TTC7B: variants seen among roughly 807,000 people sequenced by gnomAD.
The protein encoded by TTC7B is tetratricopeptide repeat protein 7B.
TTC7B carries 28 observed loss-of-function variants against 106.8 expected under a neutral mutation model. That is an observed-to-expected ratio of 0.26 (90% CI 0.19 to 0.36). The LOEUF (loss-of-function observed/expected upper bound fraction) is 0.36, where lower values mean the gene tolerates loss of function less well. Ranked by LOEUF, TTC7B falls within the 10% of genes least tolerant of loss-of-function variation. The pLI, the probability that TTC7B is intolerant of heterozygous loss-of-function variation, is 1.00. For synonymous variants in TTC7B, 405 were observed against 430.6 expected, an observed-to-expected ratio of 0.94 and a Z score of 0.74; for missense variants, 862 against 1,076.4, an observed-to-expected ratio of 0.80 and a Z score of 2.79.
rs189294286 is a variant in TTC7B at position 90,577,977 on chromosome 14, A to T, written c.2310+129T>A. On this transcript the variant is annotated intron_variant, in intron 19 of 19. Coordinates refer to ENST00000328459, the MANE Select transcript of TTC7B (RefSeq NM_001010854.2). The surrounding 1 kb of genome is among the most constrained non-coding windows in gnomAD (Gnocchi z 5.0). ...GTGCCCTCTGGCTTCAGGCCATGTG[A>T]CAGCCTGGCAAGCTAACTGCATGGG... 8 of 1,176,056 alleles carry T rather than the reference A, an allele frequency of 6.8e-6. No individual in the cohort carries two copies. In the East Asian group the frequency reaches 2.0e-4, roughly 30 times the overall value. 72.9% of individuals were successfully genotyped at this position (1,176,056 alleles called of 1,614,324 possible). A position where few individuals can be genotyped will look rare whatever the true frequency, so the allele number is the denominator to read the frequency against.
At chr14:90,708,145 C>CA (rs56260414) in intron 5 of TTC7B, among the ~76,000 whole-genome samples, 1,704 of 60,774 alleles carry the variant, frequency 0.028, 80 homozygotes, top group African/African-American at 0.067. Flanking sequence ...GACTCCATCT[C>CA]AAAAAAAAAA....
At chr14:90,551,185 C>T (rs1890064469) in intron 19 of TTC7B, among the ~76,000 whole-genome samples, 2 of 152,174 alleles carry the variant, frequency 1.3e-5, no homozygotes, top group African/African-American at 4.8e-5. Flanking sequence ...AGGCCTTGAC[C>T]CTGCTGGACA....
Position 90,722,811 on chromosome 14 carries a change from T to G in TTC7B, c.698+7264A>C, listed in dbSNP as rs531287815. ...TCCTCTTTCCTAGCACAGGTTCCCGTTTTGGCTTTCACAAGGACACACCCT... is the reference window on the plus strand; with the variant it reads ...TCCTCTTTCCTAGCACAGGTTCCCGGTTTGGCTTTCACAAGGACACACCCT... On this transcript the variant is annotated intron_variant, in intron 5 of 19. Coordinates refer to ENST00000328459, the MANE Select transcript of TTC7B (RefSeq NM_001010854.2). 3.0e-3 allele frequency among the ~76,000 whole-genome samples: 460 copies of G among 152,286 alleles called. 4 individuals are homozygous for G. The highest frequency in any genetic ancestry group is 0.01 in the African/African-American group (432 of 41,550).
In TTC7B at chr14:90,537,377, G is replaced by GCGC. The variant is rs1555372749; in HGVS notation, c.*3990_*3991insGCG. ...ATTTTTTTTTTTTTGTAGAGATGGG[G>GCGC]GGGGGGTCTCACCATGTTGCCCAGG... On this transcript the variant is annotated 3_prime_UTR_variant, in exon 20 of 20. Transcript: ENST00000328459. 1 of 144,280 alleles carries GCGC rather than the reference G, an allele frequency of 6.9e-6. No homozygotes were observed. Among genetic ancestry groups the GCGC allele is most frequent in the Non-Finnish European group, 1.5e-5 (1 of 65,296 alleles). 8.9% of individuals were successfully genotyped at this position (144,280 alleles called of 1,614,324 possible).
At chr14:90,634,972 A>G (rs1002818262) in intron 15 of TTC7B, among the ~76,000 whole-genome samples, 1 of 152,220 alleles carries the variant, frequency 6.6e-6, no homozygotes. Context: ...GCAGCCAGAG[A>G]GAAAAGACAG....
chr14:90,551,768 C>T (rs566468447), intron 19 of TTC7B, among the ~76,000 whole-genome samples: 2 of 152,220 alleles, frequency 1.3e-5, no homozygotes, highest in African/African-American at 4.8e-5. Context: ...TCCTCCCGGG[C>T]GGCCCTTTCT....
intron 15 of TTC7B, among the ~76,000 whole-genome samples, chr14:90,635,584 C>A (rs147692728): frequency 6.6e-6 from 1 of 151,066 alleles, no homozygotes; most frequent in South Asian, 2.1e-4. Context: ...CACAGTGAAA[C>A]CCCATCTCTA....
chr14:90,546,571 G>A (rs1889840786), intron 19 of TTC7B, among the ~76,000 whole-genome samples: 1 of 152,208 alleles, frequency 6.6e-6, no homozygotes, highest in Non-Finnish European at 1.5e-5. Context: ...ATCTGCCTGA[G>A]GCCATAATGC....
At chr14:90,760,194 T>C (rs890049542) in intron 3 of TTC7B, among the ~76,000 whole-genome samples, 9 of 151,944 alleles carry the variant, frequency 5.9e-5, no homozygotes, top group Non-Finnish European at 1.2e-4. Context: ...AAGAGATGAC[T>C]CCCAGATGGA....
intron 2 of TTC7B, among the ~76,000 whole-genome samples, chr14:90,784,295 C>T (rs562195157): frequency 5.8e-4 from 89 of 152,250 alleles, no homozygotes; most frequent in Non-Finnish European, 2.4e-4. Flanking sequence ...CGGTGGCTCA[C>T]GCCTGTAATC....
chr14:90,727,284 C>A (rs1889144699), intron 5 of TTC7B, among the ~76,000 whole-genome samples: 1 of 152,108 alleles, frequency 6.6e-6, no homozygotes, highest in South Asian at 2.1e-4. Context: ...TCCCTCCCAT[C>A]GACTCCATCC....
intron 18 of TTC7B, among the ~76,000 whole-genome samples, chr14:90,586,204 CGCT>C (rs1404172334): frequency 1.3e-5 from 2 of 152,168 alleles, no homozygotes; most frequent in Non-Finnish European, 2.9e-5. Context: ...ATGCCGTCTG[CGCT>C]GCTTTCCTCC....
At chr14:90,707,038 C>G (rs1257021478) in intron 5 of TTC7B, among the ~76,000 whole-genome samples, 3 of 152,180 alleles carry the variant, frequency 2.0e-5, no homozygotes, top group African/African-American at 7.2e-5. Flanking sequence ...TATCTTAAAT[C>G]TGCTTTTTCC....
chr14:90,552,643 A>C (rs1428668834), intron 19 of TTC7B, among the ~76,000 whole-genome samples: 1 of 152,186 alleles, frequency 6.6e-6, no homozygotes, highest in Non-Finnish European at 1.5e-5. Flanking sequence ...GCAGTGCAGG[A>C]GGAGGGAAGG....
intron 13 of TTC7B, 87 bp from the exon 14 acceptor site, chr14:90,647,110 T>G: frequency 8.8e-7 from 1 of 1,136,910 alleles, no homozygotes; most frequent in Non-Finnish European, 1.3e-6. Context: ...ACATTTGCAT[T>G]CTTATACTAA....
Position 90,807,409 on chromosome 14 carries a change from G to C in TTC7B, c.121+8766C>G, listed in dbSNP as rs74085571. Reference sequence around the variant, plus strand: ...GAACTCCGGGCACCATAATCACTTGGGGCCCTGGGATCCTGCTTCCTGAGT... The same window carrying C: ...GAACTCCGGGCACCATAATCACTTGCGGCCCTGGGATCCTGCTTCCTGAGT... On this transcript the variant is annotated intron_variant, in intron 1 of 19. Transcript: ENST00000328459. This position sits in a 1 kb window ranked among gnomAD's most constrained non-coding sequence, Gnocchi z 4.1. Among the ~76,000 whole-genome samples the C allele has an allele frequency of 0.017, 2,552 of 152,158 alleles. 21 individuals are homozygous for C. Among genetic ancestry groups the C allele is most frequent in the African/African-American group, 0.031 (1,274 of 41,516 alleles).
intron 18 of TTC7B, among the ~76,000 whole-genome samples, chr14:90,579,124 A>G (rs1237101615): frequency 6.6e-6 from 1 of 152,174 alleles, no homozygotes; most frequent in Non-Finnish European, 1.5e-5. Context: ...GAACGTGTCA[A>G]CTGGCCCCGA....
At chr14:90,717,904 C>T (rs967351769) in intron 5 of TTC7B, among the ~76,000 whole-genome samples, 7 of 152,216 alleles carry the variant, frequency 4.6e-5, no homozygotes, top group Admixed American at 1.3e-4. Context: ...TCTGGACCCC[C>T]TCTGTGATGC....
At chr14:90,673,725 G>A (rs191174824) in intron 9 of TTC7B, among the ~76,000 whole-genome samples, 3 of 152,284 alleles carry the variant, frequency 2.0e-5, no homozygotes, top group African/African-American at 7.2e-5. Flanking sequence ...AAAACAAATT[G>A]TGGTAGATCT....
Sources: gnomAD v4.1 joint callset for allele counts (sites outside exome capture counted in the v4.1 genomes callset) on GRCh38, gnomAD v4.1.1 for gene constraint, Gnocchi (gnomAD v3.1) non-coding constraint, MANE v1.5 for transcripts, NCBI Gene and HGNC (gene_info 2026-07-23, HGNC 2026-07-21) for gene names.